WDPCP: variants seen among roughly 807,000 people sequenced by gnomAD.
WDPCP encodes WD repeat containing planar cell polarity effector.
WDPCP carries 71 observed loss-of-function variants against 93.1 expected under a neutral mutation model. The observed-to-expected ratio is 0.76, with a 90% CI of 0.63 to 0.93. The LOEUF (loss-of-function observed/expected upper bound fraction) is 0.93. Ranked by LOEUF, WDPCP falls within the 40% of genes least tolerant of loss-of-function variation. WDPCP has a pLI of 0.00. For missense variants in WDPCP, 844 were observed against 887.4 expected, an observed-to-expected ratio of 0.95 and a Z score of 0.62; for synonymous variants, 315 against 315.0, an observed-to-expected ratio of 1.00 and a Z score of 0.00.
intron 12 of WDPCP, among the ~76,000 whole-genome samples, chr2:63,375,727 A>T (rs1177755749): frequency 2.0e-5 from 3 of 152,002 alleles, no homozygotes; most frequent in African/African-American, 7.2e-5. Context: ...TTAATAATCT[A>T]CATGGTATAC....
At chr2:63,566,162 G>T (rs953704855) in intron 1 of WDPCP, among the ~76,000 whole-genome samples, 2 of 152,142 alleles carry the variant, frequency 1.3e-5, no homozygotes, top group African/African-American at 4.8e-5. Flanking sequence ...TCTGTGAAAA[G>T]AAAATATCTT....
chr2:63,571,532 G>C (rs1454541440), intron 1 of WDPCP: 4 of 470,500 alleles, frequency 8.5e-6, no homozygotes, highest in African/African-American at 6.0e-5. Context: ...TCCAAGTATA[G>C]ACTTCCTTTC....
At chr2:63,232,787 T>A (rs1054264301) in intron 14 of WDPCP, 11 of 153,910 alleles carry the variant, frequency 7.1e-5, no homozygotes, top group Admixed American at 1.3e-4. Flanking sequence ...TGGCTTTTTT[T>A]AATGATAATT....
intron 6 of WDPCP, among the ~76,000 whole-genome samples, chr2:63,451,359 T>A (rs1264373949): frequency 1.3e-5 from 2 of 152,134 alleles, no homozygotes; most frequent in African/African-American, 2.4e-5. Flanking sequence ...ATGGGTAAAT[T>A]CTTCGACACA....
intron 2 of WDPCP, among the ~76,000 whole-genome samples, chr2:63,747,573 C>T (rs978168522): frequency 5.9e-5 from 9 of 151,974 alleles, no homozygotes; most frequent in African/African-American, 1.7e-4. Flanking sequence ...CCACTTCCAT[C>T]ATATATCTAG....
chr2:63,405,532 AGTGTGT>A (rs55807956), intron 9 of WDPCP, among the ~76,000 whole-genome samples: 24,917 of 124,804 alleles, frequency 0.2, 2,551 homozygotes, highest in East Asian at 0.48. Context: ...ATTTTGGTAT[AGTGTGT>A]GTGTGTGTGT....
upstream of WDPCP, among the ~76,000 whole-genome samples, chr2:63,828,043 T>C (rs1043640287): frequency 2.0e-5 from 3 of 152,166 alleles, no homozygotes; most frequent in African/African-American, 7.2e-5. Flanking sequence ...TGCAAAGAAG[T>C]AAACATTGGG....
intron 1 of WDPCP, among the ~76,000 whole-genome samples, chr2:63,575,412 A>ATATACAGTG (rs1707902878): frequency 5.0e-5 from 1 of 19,836 alleles, no homozygotes; most frequent in Non-Finnish European, 9.4e-5. Flanking sequence ...TATATACAGT[A>ATATACAGTG]TATACACTGT....
upstream of WDPCP, chr2:63,589,340 A>T: frequency 5.2e-6 from 8 of 1,550,660 alleles, no homozygotes; most frequent in Non-Finnish European, 7.0e-6. Context: ...GCGACGCTGC[A>T]GCTATTTTCC....
chr2:63,433,679 T>G, intron 9 of WDPCP, 66 bp downstream of exon 9: 1 of 1,390,194 alleles, frequency 7.2e-7, no homozygotes. Flanking sequence ...TATTTCAGAA[T>G]AGAAAATCTA....
chr2:63,181,715 T>C (rs1046639045), intron 14 of WDPCP, among the ~76,000 whole-genome samples: 3 of 152,054 alleles, frequency 2.0e-5, no homozygotes, highest in Non-Finnish European at 4.4e-5. Context: ...GATTGTTTTT[T>C]CTAATTCTAT....
chr2:63,382,737 C>A (rs1018099621), intron 10 of WDPCP, among the ~76,000 whole-genome samples: 1 of 152,028 alleles, frequency 6.6e-6, no homozygotes, highest in East Asian at 1.9e-4. Flanking sequence ...GAGAAAGATG[C>A]TAAAATTCTT....
chr2:63,555,875 T>C (rs1245651678), intron 1 of WDPCP, among the ~76,000 whole-genome samples: 1 of 152,038 alleles, frequency 6.6e-6, no homozygotes, highest in Non-Finnish European at 1.5e-5. Flanking sequence ...AGATTGAAGC[T>C]AGACAAACTC....
Position 63,269,011 on chromosome 2 carries a change from T to C in WDPCP, c.1813-9602A>G, listed in dbSNP as rs753641844. ...TCTTGGAGAGAGCCATCATGAAACA[T>C]TGTAAGATGTTTAGTCTTTTTTTTT... On this transcript the variant is annotated intron_variant, in intron 13 of 17. Coordinates refer to ENST00000272321, the MANE Select transcript of WDPCP (RefSeq NM_015910.7). 5.9e-5 allele frequency among the ~76,000 whole-genome samples: 9 copies of C among 152,298 alleles called. 1 individual carries two copies. Among genetic ancestry groups the C allele is most frequent in the Admixed American group, 2.6e-4 (4 of 15,306 alleles).
At position 63,285,994 on chromosome 2, in the gene WDPCP, T is replaced by TTCTC. The variant is rs59879682; in HGVS notation, c.1813-26589_1813-26586dup. On this transcript the variant is annotated intron_variant, in intron 13 of 17. Coordinates refer to ENST00000272321, the MANE Select transcript of WDPCP (RefSeq NM_015910.7). ...AATAACACAAGGTCATGAAACAAGT[T>TTCTC]TCTCTCTCTCTCTCTCTCATTTTGT... Among the ~76,000 whole-genome samples the TTCTC allele has an allele frequency of 6.4e-4, 95 of 148,438 alleles. No individual in the cohort carries two copies. In the South Asian group the frequency reaches 9.4e-3, roughly 15 times the overall value.
At chr2:63,835,827 A>G in the WDPCP span, among the ~76,000 whole-genome samples, 1 of 152,048 alleles carries the variant, frequency 6.6e-6, no homozygotes, top group African/African-American at 2.4e-5. Flanking sequence ...ATCTTCACCC[A>G]AAAAGCAGTC....
At chr2:63,508,658 G>T (rs1461498315) in intron 1 of WDPCP, among the ~76,000 whole-genome samples, 1 of 152,060 alleles carries the variant, frequency 6.6e-6, no homozygotes, top group Non-Finnish European at 1.5e-5. Flanking sequence ...ATAGAGACAG[G>T]ACCCATCAGT....
chr2:63,366,698 T>C (rs1690939991), intron 12 of WDPCP, among the ~76,000 whole-genome samples: 1 of 152,138 alleles, frequency 6.6e-6, no homozygotes, highest in Non-Finnish European at 1.5e-5. Context: ...TGTTATACTC[T>C]ATACCATACT....
At chr2:63,720,647 G>T (rs998901729) in intron 2 of WDPCP, among the ~76,000 whole-genome samples, 7 of 152,016 alleles carry the variant, frequency 4.6e-5, no homozygotes, top group African/African-American at 9.7e-5. Flanking sequence ...TGACCCCTAG[G>T]TTGAGGTGAT....
Sources: allele counts gnomAD v4.1 joint callset (sites outside exome capture counted in the v4.1 genomes callset), GRCh38; gene constraint gnomAD v4.1.1; transcripts MANE v1.5; gene names NCBI Gene and HGNC (gene_info 2026-07-23, HGNC 2026-07-21).